Variants in PACRG observed in about 807,000 individuals in gnomAD.
PACRG encodes parkin coregulated gene protein.
Under a neutral mutation model 29.7 loss-of-function variants are expected in PACRG, and 29 were observed. The observed-to-expected ratio is 0.98, with a 90% CI of 0.73 to 1.33. The LOEUF is 1.33. PACRG is among the 40% of genes most tolerant of loss of function. The pLI is 0.00. For missense variants in PACRG, 279 were observed against 316.2 expected (o/e 0.88, Z 0.89); for synonymous variants, 116 against 118.7 (o/e 0.98, Z 0.15).
rs141042920 is a variant in PACRG, at chr6:162,838,205, T to G, written c.291+23924T>G. 3.5e-3 allele frequency among the ~76,000 whole-genome samples: 538 copies of G among 152,264 alleles called. 3 individuals carry two copies. The highest frequency in any genetic ancestry group is 0.012 in the African/African-American group (499 of 41,556). ...CTGCCGTAGAAAATAATCCTCTGAA[T>G]CTCCGTGGCTTGACATAGTAAGGCC... is the stretch of plus-strand genomic sequence containing the variant. On this transcript the variant is annotated intron_variant, in intron 2 of 4. Transcript: ENST00000366888.
intron 2 of PACRG, among the ~76,000 whole-genome samples, chr6:162,955,634 G>A (rs149987724): frequency 1.8e-3 from 268 of 152,250 alleles, no homozygotes; most frequent in African/African-American, 6.0e-3. Flanking sequence ...GTGTTTTCAG[G>A]GGAGACATAG....
intron 2 of PACRG, 57 bp from the exon 3 acceptor site, chr6:163,062,093 G>T: frequency 6.3e-7 from 1 of 1,575,338 alleles, no homozygotes; most frequent in Non-Finnish European, 8.7e-7. Flanking sequence ...TAGCTTGTCT[G>T]CCGTGCTCTG....
At chr6:163,074,900 G>T (rs751185051) in intron 3 of PACRG, among the ~76,000 whole-genome samples, 2 of 152,080 alleles carry the variant, frequency 1.3e-5, no homozygotes, top group African/African-American at 2.4e-5. Context: ...AGGCTGAGGT[G>T]GGAGGATCGC....
chr6:162,737,009 A>G (rs1225396835), intron 1 of PACRG, among the ~76,000 whole-genome samples: 1 of 152,148 alleles, frequency 6.6e-6, no homozygotes, highest in Non-Finnish European at 1.5e-5. Flanking sequence ...TTCTATAAAA[A>G]GTTTTTTCTG....
intron 4 of PACRG, among the ~76,000 whole-genome samples, chr6:163,230,292 G>A (rs1781971849): frequency 6.6e-6 from 1 of 152,156 alleles, no homozygotes; most frequent in Admixed American, 6.5e-5. Flanking sequence ...AGGAAATTAT[G>A]CCCCTTAGAA....
chr6:163,216,669 G>A (rs558566057), intron 4 of PACRG, among the ~76,000 whole-genome samples: 2 of 152,182 alleles, frequency 1.3e-5, no homozygotes, highest in South Asian at 4.2e-4. Context: ...GTACACACAT[G>A]CGTGTGCATA....
intron 4 of PACRG, among the ~76,000 whole-genome samples, chr6:163,181,758 T>C (rs1779684667): frequency 6.6e-6 from 1 of 152,026 alleles, no homozygotes; most frequent in South Asian, 2.1e-4. Flanking sequence ...TTAGTTACTA[T>C]AAATGTGTTT....
intron 2 of PACRG, among the ~76,000 whole-genome samples, chr6:163,006,473 C>T (rs906704818): frequency 9.3e-5 from 14 of 151,314 alleles, no homozygotes; most frequent in African/African-American, 3.4e-4. Flanking sequence ...TAGATAATGT[C>T]CAATTTTTCT....
At chr6:163,175,616 A>G (rs954536392) in intron 4 of PACRG, among the ~76,000 whole-genome samples, 1 of 151,000 alleles carries the variant, frequency 6.6e-6, no homozygotes, top group Non-Finnish European at 1.5e-5. Flanking sequence ...CATAAGGGGG[A>G]GTGGGGAGGG....
intron 2 of PACRG, among the ~76,000 whole-genome samples, chr6:162,859,115 C>T (rs1562671542): frequency 1.3e-5 from 2 of 152,044 alleles, no homozygotes; most frequent in Non-Finnish European, 2.9e-5. Context: ...GGAACTTATG[C>T]CTCTCTATCA....
intron 4 of PACRG, among the ~76,000 whole-genome samples, chr6:163,106,736 A>G (rs1007232220): frequency 6.6e-6 from 1 of 152,254 alleles, no homozygotes. Flanking sequence ...GCTTCACTAT[A>G]GGTATCCTGA....
chr6:162,779,100 C>T (rs760068724), intron 1 of PACRG, among the ~76,000 whole-genome samples: 6 of 152,128 alleles, frequency 3.9e-5, no homozygotes, highest in Admixed American at 1.3e-4. Flanking sequence ...TCTCATCATT[C>T]GGCTCCGACT....
intron 1 of PACRG, among the ~76,000 whole-genome samples, chr6:162,805,258 G>A (rs998666504): frequency 2.0e-5 from 3 of 152,110 alleles, no homozygotes; most frequent in Admixed American, 6.6e-5. Flanking sequence ...AGAGAGTCAC[G>A]TGGTTTTTTT....
At chr6:162,874,710 G>T (rs560516944) in intron 2 of PACRG, among the ~76,000 whole-genome samples, 1 of 152,266 alleles carries the variant, frequency 6.6e-6, no homozygotes, top group East Asian at 1.9e-4. Context: ...GAGAGGAAAT[G>T]AGGCATGGCT....
At chr6:162,828,470 G>A (rs1190978462) in intron 2 of PACRG, among the ~76,000 whole-genome samples, 1 of 152,182 alleles carries the variant, frequency 6.6e-6, no homozygotes, top group East Asian at 1.9e-4. Context: ...AGTACTTACT[G>A]GGTGTCAGAC....
chr6:163,295,398 A>C (rs1457569591), intron 4 of PACRG, among the ~76,000 whole-genome samples: 1 of 152,226 alleles, frequency 6.6e-6, no homozygotes, highest in African/African-American at 2.4e-5. Flanking sequence ...GAGTGCCCTT[A>C]GCAAGGAAGC....
chr6:163,217,478 C>A (rs1781407987), intron 4 of PACRG, among the ~76,000 whole-genome samples: 1 of 152,200 alleles, frequency 6.6e-6, no homozygotes, highest in African/African-American at 2.4e-5. Context: ...GATCATGATT[C>A]TCAAATAGGC....
At chr6:163,228,127 A>G (rs1781876763) in intron 4 of PACRG, among the ~76,000 whole-genome samples, 1 of 152,092 alleles carries the variant, frequency 6.6e-6, no homozygotes, top group Non-Finnish European at 1.5e-5. Context: ...ATATATATGT[A>G]TATTAGAAAA....
chr6:162,775,287 T>A (rs1025138688), intron 1 of PACRG, among the ~76,000 whole-genome samples: 15 of 152,116 alleles, frequency 9.9e-5, no homozygotes, highest in African/African-American at 3.4e-4. Flanking sequence ...GTGACCCAGT[T>A]TATAGTATTT....
Sources: allele counts gnomAD v4.1 joint callset (sites outside exome capture counted in the v4.1 genomes callset), GRCh38; gene constraint gnomAD v4.1.1; transcripts MANE v1.5; gene names NCBI Gene and HGNC (gene_info 2026-07-23, HGNC 2026-07-21).